Variants in NLRP9 observed in about 807,000 individuals in gnomAD.
The protein encoded by NLRP9 is NACHT, LRR and PYD domains-containing protein 9.
NLRP9 carries 88 observed loss-of-function variants against 83.1 expected under a neutral mutation model. The ratio of observed to expected loss-of-function variants is 1.06; its 90% CI spans 0.89 to 1.26. NLRP9 has a LOEUF of 1.26. Ranked by LOEUF, NLRP9 falls within the 50% of genes most tolerant of loss-of-function variation. NLRP9 has a pLI of 0.00. For missense variants in NLRP9, 1,308 were observed against 1,179.3 expected, an observed-to-expected ratio of 1.11 and a Z score of -1.60; for synonymous variants, 521 against 447.6, an observed-to-expected ratio of 1.16 and a Z score of -2.07.
chr19:55,730,404 T>A (rs1279196250), intron 2 of NLRP9, among the ~76,000 whole-genome samples: 1 of 150,790 alleles, frequency 6.6e-6, no homozygotes, highest in Non-Finnish European at 1.5e-5. Flanking sequence ...AAGTGAGCTA[T>A]GATCATGCCA....
chr19:55,729,038 ATTTTTC>A (rs1166075966), intron 3 of NLRP9, among the ~76,000 whole-genome samples: 34 of 105,920 alleles, frequency 3.2e-4, no homozygotes, highest in Admixed American at 8.1e-4. Flanking sequence ...TGCTTATCTT[ATTTTTC>A]TTTTTCTTTT....
intron 3 of NLRP9, among the ~76,000 whole-genome samples, chr19:55,728,271 G>C (rs1247175738): frequency 6.6e-6 from 1 of 152,138 alleles, no homozygotes; most frequent in Non-Finnish European, 1.5e-5. Context: ...CTCTCCCAAA[G>C]TCCAAGTTTC....
chr19:55,730,019 T>C (rs1425319283), intron 2 of NLRP9, 27 bp from the exon 3 acceptor site: 5 of 1,599,400 alleles, frequency 3.1e-6, no homozygotes, highest in Non-Finnish European at 4.3e-6. Flanking sequence ...ATTGTGATTC[T>C]CCAGTGGCTA....
chr19:55,722,505 A>G (rs1312920894), intron 4 of NLRP9, among the ~76,000 whole-genome samples: 2 of 152,250 alleles, frequency 1.3e-5, no homozygotes, highest in African/African-American at 4.8e-5. Flanking sequence ...TTAACCAAGT[A>G]TAGATGAATC....
rs1568592121 is a variant in NLRP9 at position 55,712,567 on chromosome 19, G to T, written c.2525C>A (p.Ser842Tyr). 1 of 1,612,338 alleles carries T rather than the reference G, an allele frequency of 6.2e-7. No individual in the cohort carries two copies. The highest frequency in any genetic ancestry group is 8.5e-7 in the Non-Finnish European group (1 of 1,179,828). Residue 842 changes from serine (S) to tyrosine (Y), a missense_variant, in exon 7 of 9, where the codon TCC (serine) becomes TAC (tyrosine). Physicochemically the swap from Ser to Tyr is moderately radical, Grantham distance 144. Coordinates refer to ENST00000332836, the MANE Select transcript of NLRP9 (RefSeq NM_176820.4). ...ELWLMGCFLT[S>Y]DSCKDIAAVL... ...AGCAGCAATGTCCTTACAGGAATCGGAAGTAAGGAAACAGCCCATCAACCT... is the reference window on the plus strand; with the variant it reads ...AGCAGCAATGTCCTTACAGGAATCGTAAGTAAGGAAACAGCCCATCAACCT...
intron 5 of NLRP9, among the ~76,000 whole-genome samples, chr19:55,716,501 C>T (rs1202052185): frequency 6.6e-6 from 1 of 152,032 alleles, no homozygotes; most frequent in Non-Finnish European, 1.5e-5. Context: ...TCAGGTGATC[C>T]TCCCGCCTCA....
In NLRP9 at chr19:55,715,156, G is replaced by T; in HGVS notation, c.2400C>A (p.Ser800=). The T allele has an allele frequency of 6.2e-7, 1 of 1,613,330 alleles. No individual in the cohort carries two copies. Among genetic ancestry groups the T allele is most frequent in the Non-Finnish European group, 8.5e-7 (1 of 1,179,866 alleles). Residue 800 remains serine (S), a synonymous_variant, in exon 6 of 9, where the codon TCC becomes TCA. Coordinates refer to ENST00000332836, the MANE Select transcript of NLRP9 (RefSeq NM_176820.4). ...SISEVLLCSK[S]LSLLDLGSNA... The stretch of plus-strand genomic sequence containing the variant: ...TTGAGCCCAGATCGAGGAGGGACAG[G>T]GACTTACTGCACAAGAGGACTTCGG...
At chr19:55,714,181 C>T (rs894634618) in intron 6 of NLRP9, among the ~76,000 whole-genome samples, 2 of 151,952 alleles carry the variant, frequency 1.3e-5, no homozygotes, top group African/African-American at 2.4e-5. Flanking sequence ...ATGAGTCTCA[C>T]GCTCTGACTG....
intron 7 of NLRP9, 149 bp downstream of exon 7, chr19:55,712,271 A>G: frequency 1.4e-6 from 1 of 714,264 alleles, no homozygotes; most frequent in East Asian, 2.7e-5. Flanking sequence ...ACCAAGACTG[A>G]GCAAACCCTG....
chr19:55,712,609 C>T lies in NLRP9; in HGVS notation c.2502-19G>A. 2 of 1,608,340 alleles carry T rather than the reference C, an allele frequency of 1.2e-6. No individual in the cohort carries two copies. The highest frequency in any genetic ancestry group is 1.7e-6 in the Non-Finnish European group (2 of 1,177,238). On this transcript the variant is annotated intron_variant, in intron 6 of 8. Transcript: ENST00000332836. The stretch of plus-strand genomic sequence containing the variant: ...CATCAACCTGGGGAGGTGGAAGACA[C>T]ACAAATACGTACACTTATGAGGTCA...
chr19:55,719,297 C>T lies in NLRP9; in HGVS notation c.2160-2399G>A, dbSNP rs531760392. On this transcript the variant is annotated intron_variant, in intron 4 of 8. Transcript: ENST00000332836. ...CCTCCCAACTAGCTGGGATTACAGG[C>T]ACCTGCCACCACACCCGGCTAATTT... 7.2e-4 allele frequency among the ~76,000 whole-genome samples: 109 copies of T among 152,300 alleles called. 2 individuals carry two copies. Among genetic ancestry groups the T allele is most frequent in the African/African-American group, 2.5e-3 (105 of 41,580 alleles).
chr19:55,734,080 G>A (rs538670719), intron 1 of NLRP9, among the ~76,000 whole-genome samples: 56 of 151,752 alleles, frequency 3.7e-4, no homozygotes, highest in African/African-American at 1.3e-3. Context: ...CCGCCACTAC[G>A]CATGGTTAAG....
rs1232426065 is a variant in NLRP9, at chr19:55,709,035, T to C, written c.2853A>G (p.Lys951=). Residue 951 remains lysine, a synonymous_variant, in exon 9 of 9, where the codon AAA becomes AAG. Coordinates refer to ENST00000332836, the MANE Select transcript of NLRP9 (RefSeq NM_176820.4). ...TCTGAGTTTCTTCATCAAAGCCAGA[T>C]TTGTGCAGCCTGGGAAAATAGAAAT... ...DCALQMLGLH[K]SGFDEETQKI... 1.3e-6 allele frequency: 2 copies of C among 1,573,288 alleles called. No individual in the cohort carries two copies. Among genetic ancestry groups the C allele is most frequent in the East Asian group, 2.3e-5 (1 of 42,926 alleles).
At chr19:55,735,964 G>A (rs1300724668) in intron 1 of NLRP9, among the ~76,000 whole-genome samples, 3 of 151,640 alleles carry the variant, frequency 2.0e-5, no homozygotes, top group Non-Finnish European at 2.9e-5. Context: ...CTGGGATTAC[G>A]GGTGTGAGCC....
At chr19:55,715,902 G>A (rs180976809) in intron 5 of NLRP9, among the ~76,000 whole-genome samples, 2 of 152,160 alleles carry the variant, frequency 1.3e-5, no homozygotes, top group Admixed American at 1.3e-4. Flanking sequence ...AATAATTTTT[G>A]TTTTGTTGTT....
At chr19:55,734,394 A>T (rs866047054) in intron 1 of NLRP9, among the ~76,000 whole-genome samples, 2,746 of 141,460 alleles carry the variant, frequency 0.019, 78 homozygotes, top group African/African-American at 0.056. Flanking sequence ...AAAAAAAAAA[A>T]TTACTATATC....
In NLRP9 at chr19:55,732,366, T is replaced by C. The variant is rs752391949; in HGVS notation, c.1465A>G (p.Thr489Ala). ...CCAAACATGAATATCCCCACCTGGG[T>C]CAAGAGGGTTTGAGGCTGAACCACA... ...ASVVQPQTLLTQVGIFMFGIS... is the reference protein window; with the variant it reads ...ASVVQPQTLLAQVGIFMFGIS... The change falls in exon 2 of 9, where the codon ACC becomes GCC. Residue 489 changes from threonine to alanine, a missense_variant. Coordinates refer to ENST00000332836, the MANE Select transcript of NLRP9 (RefSeq NM_176820.4). The C allele has an allele frequency of 6.2e-7, 1 of 1,614,192 alleles. No homozygotes were observed.
chr19:55,713,288 AATACAG>A (rs1271001040), intron 6 of NLRP9, among the ~76,000 whole-genome samples: 1 of 151,640 alleles, frequency 6.6e-6, no homozygotes, highest in East Asian at 2.0e-4. Context: ...ATTACTCCCT[AATACAG>A]ATAGACAGAA....
At chr19:55,723,611 C>G (rs943469774) in intron 4 of NLRP9, among the ~76,000 whole-genome samples, 13 of 151,178 alleles carry the variant, frequency 8.6e-5, no homozygotes, top group African/African-American at 3.2e-4. Flanking sequence ...ACCTGTAATC[C>G]TAGCTACTTG....
Sources: allele counts gnomAD v4.1 joint callset (sites outside exome capture counted in the v4.1 genomes callset), GRCh38; gene constraint gnomAD v4.1.1; transcripts MANE v1.5; gene names NCBI Gene and HGNC (gene_info 2026-07-23, HGNC 2026-07-21).